GNB4: variants seen among roughly 807,000 people sequenced by gnomAD.
The protein encoded by GNB4 is G protein subunit beta 4, also known as guanine nucleotide-binding protein subunit beta-4.
GNB4 carries 28 observed loss-of-function variants against 45.2 expected under a neutral mutation model. The ratio of observed to expected loss-of-function variants is 0.62; its 90% confidence interval spans 0.46 to 0.85. The LOEUF (loss-of-function observed/expected upper bound fraction) is 0.85. GNB4 is among the 40% of genes least tolerant of loss of function. The pLI is 0.00. For missense variants in GNB4, 321 were observed against 425.4 expected (o/e 0.75, Z 2.16); for synonymous variants, 132 against 143.7 (o/e 0.92, Z 0.58).
the GNB4 span, among the ~76,000 whole-genome samples, chr3:179,482,010 C>A: frequency 6.6e-6 from 1 of 152,128 alleles, no homozygotes; most frequent in African/African-American, 2.4e-5. Context: ...TCAAACAATC[C>A]TCCCGGCTCA....
upstream of GNB4, among the ~76,000 whole-genome samples, chr3:179,453,404 G>A (rs1715932397): frequency 6.6e-6 from 1 of 152,184 alleles, no homozygotes; most frequent in South Asian, 2.1e-4. Context: ...TTACAGGCGT[G>A]AGCCACCGAT....
chr3:179,448,408 C>T (rs1325218988), intron 1 of GNB4, among the ~76,000 whole-genome samples: 1 of 152,034 alleles, frequency 6.6e-6, no homozygotes, highest in Non-Finnish European at 1.5e-5. Context: ...TAATAGCCTA[C>T]TACACAGAGT....
chr3:179,520,697 G>A, the GNB4 span, among the ~76,000 whole-genome samples: 1 of 151,860 alleles, frequency 6.6e-6, no homozygotes, highest in Non-Finnish European at 1.5e-5. Context: ...ATTGTTCCTG[G>A]CCCAGACTTC....
chr3:179,406,402 T>C (rs1714471366), intron 8 of GNB4, among the ~76,000 whole-genome samples: 1 of 152,214 alleles, frequency 6.6e-6, no homozygotes, highest in Admixed American at 6.5e-5. Flanking sequence ...CTATGATCTC[T>C]GATACTTAAA....
chr3:179,495,209 G>A, the GNB4 span, among the ~76,000 whole-genome samples: 9 of 152,048 alleles, frequency 5.9e-5, no homozygotes, highest in South Asian at 2.1e-4. Flanking sequence ...GCAAGATAGC[G>A]AGACTCTGTC....
chr3:179,465,212 G>T, the GNB4 span: 1 of 1,372,170 alleles, frequency 7.3e-7, no homozygotes. Context: ...ACTGAAGTTG[G>T]TTGGAGATGT....
intron 2 of GNB4, among the ~76,000 whole-genome samples, chr3:179,421,374 A>G (rs34257155): frequency 1.3e-5 from 2 of 152,244 alleles, no homozygotes; most frequent in Admixed American, 1.3e-4. Context: ...GCAGAAATTA[A>G]CAAAAAATTA....
chr3:179,505,734 C>A, the GNB4 span, among the ~76,000 whole-genome samples: 6 of 152,296 alleles, frequency 3.9e-5, no homozygotes, highest in African/African-American at 1.4e-4. Context: ...CACGTTCCAG[C>A]AAAAGCTTTA....
At chr3:179,469,424 CT>C in the GNB4 span, among the ~76,000 whole-genome samples, 6 of 151,992 alleles carry the variant, frequency 3.9e-5, no homozygotes, top group African/African-American at 1.5e-4. Flanking sequence ...AGAACAAATA[CT>C]TTTTTAATTG....
At chr3:179,411,155 T>G (rs1006669945) in intron 8 of GNB4, among the ~76,000 whole-genome samples, 4 of 152,114 alleles carry the variant, frequency 2.6e-5, no homozygotes, top group African/African-American at 9.7e-5. Context: ...GAGAGACACC[T>G]AGAGGCCCCA....
At chr3:179,475,107 T>A in the GNB4 span, among the ~76,000 whole-genome samples, 1 of 151,726 alleles carries the variant, frequency 6.6e-6, no homozygotes, top group East Asian at 1.9e-4. Flanking sequence ...CTTTATTTTA[T>A]TTTTATTTTT....
intron 4 of GNB4, among the ~76,000 whole-genome samples, chr3:179,417,842 A>G (rs1384390658): frequency 6.6e-6 from 1 of 152,218 alleles, no homozygotes; most frequent in African/African-American, 2.4e-5. Context: ...TTGGGTAGCA[A>G]TCACTACAAG....
rs1560209707 is a variant in GNB4 at position 179,405,317 on chromosome 3, C to T, written c.789G>A (p.Leu263=). ...FDLRADQELL[L]YSHDNIICGI... is the part of the protein sequence containing the mutation. ...CACAGATGATATTGTCATGAGAATA[C>T]AATAATAACTCTTGATCTGCACGAA... is the stretch of plus-strand genomic sequence containing the variant. The change falls in exon 9 of 10, where the codon TTG becomes TTA. Residue 263 remains leucine, a synonymous_variant. Transcript: ENST00000232564. 3.0e-5 allele frequency: 48 copies of T among 1,614,040 alleles called. No homozygotes were observed. Among genetic ancestry groups the T allele is most frequent in the Non-Finnish European group, 4.0e-5 (47 of 1,179,964 alleles).
chr3:179,507,639 C>A, the GNB4 span, among the ~76,000 whole-genome samples: 2,567 of 152,226 alleles, frequency 0.017, 38 homozygotes, highest in Non-Finnish European at 0.025. Context: ...TCCTGTTGTT[C>A]TTGTGATTAA....
the GNB4 span, among the ~76,000 whole-genome samples, chr3:179,483,713 T>C: frequency 6.6e-6 from 1 of 152,196 alleles, no homozygotes; most frequent in Non-Finnish European, 1.5e-5. Context: ...AAAATTTTTA[T>C]CTCTTACCAG....
the GNB4 span, among the ~76,000 whole-genome samples, chr3:179,473,292 T>TA: frequency 6.6e-6 from 1 of 151,956 alleles, no homozygotes. Context: ...TGAAGGAATT[T>TA]TTTTTTAAAC....
the GNB4 span, among the ~76,000 whole-genome samples, chr3:179,501,458 C>A: frequency 6.6e-6 from 1 of 150,862 alleles, no homozygotes; most frequent in Admixed American, 6.6e-5. Flanking sequence ...GCCACCACAC[C>A]TGGCTAATTT....
chr3:179,520,292 A>G, the GNB4 span, among the ~76,000 whole-genome samples: 1,090 of 152,060 alleles, frequency 7.2e-3, 4 homozygotes, highest in Non-Finnish European at 0.012. Flanking sequence ...CTATCTCGGC[A>G]TAATTCTCAT....
chr3:179,459,377 C>G, the GNB4 span, among the ~76,000 whole-genome samples: 2 of 152,196 alleles, frequency 1.3e-5, no homozygotes, highest in Non-Finnish European at 2.9e-5. Flanking sequence ...TGTTCCTATT[C>G]CTGCTCTTAG....
Sources: allele counts gnomAD v4.1 joint callset (sites outside exome capture counted in the v4.1 genomes callset), GRCh38; gene constraint gnomAD v4.1.1; transcripts MANE v1.5; gene names NCBI Gene and HGNC (gene_info 2026-07-23, HGNC 2026-07-21).